ADAMTS19: variants seen among roughly 807,000 people sequenced by gnomAD.
The protein encoded by ADAMTS19 is ADAM metallopeptidase with thrombospondin type 1 motif 19.
A neutral mutation model predicts 153.3 loss-of-function variants in ADAMTS19; 93 were observed. That is an observed-to-expected ratio of 0.61 (90% CI 0.51 to 0.72). The LOEUF (loss-of-function observed/expected upper bound fraction) is 0.72. Among genes scored for constraint, ADAMTS19 ranks in the 30% least tolerant of loss-of-function variants. The probability of loss-of-function intolerance (pLI) is 0.00; values close to 1 mark genes in which losing one functional copy is unlikely to be tolerated. For synonymous variants in ADAMTS19, 600 were observed against 556.6 expected (o/e 1.08, Z -1.10); for missense variants, 1,482 against 1,552.1 (o/e 0.95, Z 0.76).
At chr5:129,471,914 T>C (rs73242226) in intron 2 of ADAMTS19, among the ~76,000 whole-genome samples, 11,804 of 152,314 alleles carry the variant, frequency 0.077, 479 homozygotes, top group African/African-American at 0.1. Flanking sequence ...CAGTGTTCTA[T>C]AGTGTGTATG....
intron 9 of ADAMTS19, 59 bp from the exon 10 acceptor site, chr5:129,622,139 C>G: frequency 6.4e-7 from 1 of 1,569,804 alleles, no homozygotes. Flanking sequence ...GTATGCTAAC[C>G]AATCATATCA....
intron 2 of ADAMTS19, chr5:129,500,628 A>G (rs1751068383): frequency 6.6e-6 from 1 of 152,146 alleles, no homozygotes; most frequent in Non-Finnish European, 1.5e-5. Flanking sequence ...CAGAAATAAG[A>G]TTACAAGTAA....
chr5:129,663,157 G>A (rs1753890734), intron 15 of ADAMTS19, among the ~76,000 whole-genome samples: 1 of 152,060 alleles, frequency 6.6e-6, no homozygotes, highest in South Asian at 2.1e-4. Context: ...GCCTCCAAAA[G>A]TGCTGGGATT....
At chr5:129,681,888 T>C (rs1235218722) in intron 17 of ADAMTS19, among the ~76,000 whole-genome samples, 3 of 152,184 alleles carry the variant, frequency 2.0e-5, no homozygotes, top group Non-Finnish European at 4.4e-5. Flanking sequence ...ACAATATCTG[T>C]TTCATTCCAT....
intron 9 of ADAMTS19, among the ~76,000 whole-genome samples, chr5:129,621,456 A>G (rs893346350): frequency 6.6e-6 from 1 of 152,200 alleles, no homozygotes; most frequent in Non-Finnish European, 1.5e-5. Flanking sequence ...CACTACACAG[A>G]TGAACTTTAT....
chr5:129,665,109 C>T (rs928035977), intron 15 of ADAMTS19, among the ~76,000 whole-genome samples: 11 of 152,060 alleles, frequency 7.2e-5, no homozygotes, highest in Non-Finnish European at 1.5e-4. Context: ...TATTCTTTTT[C>T]CCCACACTTT....
chr5:129,704,273 G>A lies in ADAMTS19; in HGVS notation c.3194G>A (p.Arg1065Gln), dbSNP rs1382325313. 1.4e-5 allele frequency: 23 copies of A among 1,613,804 alleles called. No homozygotes were observed. Among genetic ancestry groups the A allele is most frequent in the East Asian group, 2.2e-5 (1 of 44,870 alleles). ...AAGTGTGGCAAAGGCATACGTCATC[G>A]GACCGTTAGATGTACCAACCCAAGA... ...SVKCGKGIRH[R>Q]TVRCTNPRKK... The change falls in exon 21 of 23, where the codon CGG (arginine) becomes CAG (glutamine). Residue 1065 changes from arginine (R) to glutamine (Q), a missense_variant. Arg to Gln is a conservative substitution (Grantham distance 43). This residue lies in a region of ADAMTS19 where 616 missense variants were observed against 724.4 expected (regional missense o/e 0.85). Transcript: ENST00000274487.
chr5:129,560,813 C>T (rs1753485234), intron 7 of ADAMTS19, among the ~76,000 whole-genome samples: 2 of 152,218 alleles, frequency 1.3e-5, no homozygotes, highest in South Asian at 4.1e-4. Flanking sequence ...GTGACACTAA[C>T]TTGGATAATT....
chr5:129,659,642 T>C (rs1236176151), intron 15 of ADAMTS19, among the ~76,000 whole-genome samples: 2 of 152,168 alleles, frequency 1.3e-5, no homozygotes, highest in African/African-American at 4.8e-5. Context: ...TGGAGTGCAG[T>C]GGTGCATGGC....
chr5:129,606,634 G>C (rs1750909068), intron 8 of ADAMTS19, among the ~76,000 whole-genome samples: 1 of 152,182 alleles, frequency 6.6e-6, no homozygotes, highest in Non-Finnish European at 1.5e-5. Flanking sequence ...CTTAATGAAT[G>C]AATTTGAAAT....
chr5:129,614,347 G>T (rs1420208122), intron 8 of ADAMTS19, among the ~76,000 whole-genome samples: 1 of 152,010 alleles, frequency 6.6e-6, no homozygotes, highest in Admixed American at 6.6e-5. Context: ...ATGATCAAGT[G>T]GGCTTCATCC....
chr5:129,622,065 T>C, intron 9 of ADAMTS19, 133 bp from the exon 10 acceptor site: 2 of 819,776 alleles, frequency 2.4e-6, no homozygotes, highest in Non-Finnish European at 3.9e-6. Flanking sequence ...TAGAATAATT[T>C]CTATGAGTAT....
At chr5:129,620,550 G>C in intron 8 of ADAMTS19, 68 bp from the exon 9 acceptor site, 4 of 1,200,516 alleles carry the variant, frequency 3.3e-6, no homozygotes, top group Non-Finnish European at 4.4e-6. Context: ...TTTAACTGCA[G>C]TTATAAAAAG....
At chr5:129,558,731 T>C (rs1478983316) in intron 7 of ADAMTS19, among the ~76,000 whole-genome samples, 3 of 152,068 alleles carry the variant, frequency 2.0e-5, no homozygotes, top group Non-Finnish European at 4.4e-5. Context: ...AAACCTGCGC[T>C]ATCAGATACC....
chr5:129,663,712 A>T (rs574359689), intron 15 of ADAMTS19, among the ~76,000 whole-genome samples: 33 of 152,242 alleles, frequency 2.2e-4, no homozygotes, highest in South Asian at 1.2e-3. Flanking sequence ...TTCCTCTTGG[A>T]TATCACTGTT....
At chr5:129,535,048 T>G (rs1752362653) in intron 6 of ADAMTS19, among the ~76,000 whole-genome samples, 2 of 152,216 alleles carry the variant, frequency 1.3e-5, no homozygotes, top group Non-Finnish European at 2.9e-5. Flanking sequence ...AACATAGTGT[T>G]GGAAGTTCTG....
At chr5:129,593,338 A>C (rs965911863) in intron 7 of ADAMTS19, among the ~76,000 whole-genome samples, 4 of 152,154 alleles carry the variant, frequency 2.6e-5, no homozygotes, top group African/African-American at 9.7e-5. Context: ...TTATATTATT[A>C]GTTCACCCAA....
chr5:129,639,766 T>C (rs752279547), intron 10 of ADAMTS19, among the ~76,000 whole-genome samples: 4 of 152,240 alleles, frequency 2.6e-5, no homozygotes, highest in Non-Finnish European at 4.4e-5. Flanking sequence ...TAAAGAAAAA[T>C]TCTTCTTTGA....
At chr5:129,566,673 G>A (rs1753721906) in intron 7 of ADAMTS19, among the ~76,000 whole-genome samples, 1 of 152,088 alleles carries the variant, frequency 6.6e-6, no homozygotes, top group East Asian at 1.9e-4. Context: ...GACCAGGAAG[G>A]GGCCCTGATG....
Sources: allele counts gnomAD v4.1 joint callset (sites outside exome capture counted in the v4.1 genomes callset), GRCh38; gene constraint gnomAD v4.1.1; regional missense constraint gnomAD v4.1.1; transcripts MANE v1.5; gene names NCBI Gene and HGNC (gene_info 2026-07-23, HGNC 2026-07-21).